Variants in PXDNL observed in about 807,000 individuals in gnomAD.
PXDNL encodes the protein probable oxidoreductase PXDNL.
A neutral mutation model predicts 150.8 loss-of-function variants in PXDNL; 145 were observed. The ratio of observed to expected loss-of-function variants is 0.96; its 90% CI spans 0.84 to 1.10. The LOEUF (loss-of-function observed/expected upper bound fraction) is 1.10, where lower values mean the gene tolerates loss of function less well. Ranked by LOEUF, PXDNL falls within the 50% of genes least tolerant of loss-of-function variation. PXDNL has a pLI of 0.00. For missense variants in PXDNL, 2,087 were observed against 1,873.9 expected (o/e 1.11, Z -2.10); for synonymous variants, 757 against 725.7 (o/e 1.04, Z -0.69).
At chr8:51,642,968 A>G (rs1336174000) in intron 2 of PXDNL, among the ~76,000 whole-genome samples, 3 of 152,222 alleles carry the variant, frequency 2.0e-5, no homozygotes, top group African/African-American at 7.2e-5. Context: ...TAAAATACCT[A>G]GGAATCCAAC....
At chr8:51,644,112 C>T (rs1814847093) in intron 2 of PXDNL, among the ~76,000 whole-genome samples, 1 of 151,334 alleles carries the variant, frequency 6.6e-6, no homozygotes, top group South Asian at 2.1e-4. Context: ...TGCCACTGAA[C>T]TCCAGCCTGG....
At chr8:51,607,394 C>T (rs1314646389) in intron 2 of PXDNL, among the ~76,000 whole-genome samples, 4 of 152,182 alleles carry the variant, frequency 2.6e-5, no homozygotes, top group Non-Finnish European at 4.4e-5. Context: ...AAAGGAGGCA[C>T]GAAGCCCAGT....
chr8:51,378,747 CACA>C (rs1807436755), intron 17 of PXDNL, among the ~76,000 whole-genome samples: 1 of 149,178 alleles, frequency 6.7e-6, no homozygotes, highest in African/African-American at 2.6e-5. Context: ...CGAACAACTC[CACA>C]CGTGCGGCCT....
Position 51,775,306 on chromosome 8 carries a change from T to C in PXDNL, c.164+33875A>G, listed in dbSNP as rs189735175. Among the ~76,000 whole-genome samples the C allele has an allele frequency of 1.1e-4, 16 of 152,348 alleles. No individual in the cohort carries two copies. In the East Asian group the frequency reaches 2.7e-3, roughly 26 times the overall value. ...TGTAGAGAATAAGCAGAAAATCAGT[T>C]GTCTTAATATTTATTAACTTTATCA... On this transcript the variant is annotated intron_variant, in intron 1 of 22. Transcript: ENST00000356297.
intron 20 of PXDNL, among the ~76,000 whole-genome samples, chr8:51,343,494 G>A (rs1806049549): frequency 6.6e-6 from 1 of 152,166 alleles, no homozygotes; most frequent in Non-Finnish European, 1.5e-5. Context: ...ATTGGCAGGA[G>A]GCTAAAAATA....
intron 19 of PXDNL, among the ~76,000 whole-genome samples, chr8:51,367,578 G>C (rs1299409414): frequency 1.3e-5 from 2 of 152,048 alleles, no homozygotes; most frequent in East Asian, 3.9e-4. Flanking sequence ...AATTCTATAA[G>C]AACCTAGCCT....
chr8:51,427,695 T>G (rs1200459933), intron 12 of PXDNL, among the ~76,000 whole-genome samples: 2 of 152,184 alleles, frequency 1.3e-5, no homozygotes, highest in Non-Finnish European at 2.9e-5. Context: ...CAACGCTCAT[T>G]ATGAGTTACA....
intron 2 of PXDNL, among the ~76,000 whole-genome samples, chr8:51,624,466 A>C (rs1035609989): frequency 9.9e-5 from 15 of 152,134 alleles, no homozygotes; most frequent in African/African-American, 3.6e-4. Context: ...TTCTTACTGC[A>C]GTCATTTTAT....
At chr8:51,533,939 G>GC (rs1174537195) in intron 4 of PXDNL, among the ~76,000 whole-genome samples, 4 of 151,096 alleles carry the variant, frequency 2.6e-5, no homozygotes, top group Non-Finnish European at 5.9e-5. Flanking sequence ...TCTCTGCCTG[G>GC]CCCCCCATCG....
chr8:51,387,853 A>C (rs1007656040), intron 17 of PXDNL, among the ~76,000 whole-genome samples: 6 of 151,660 alleles, frequency 4.0e-5, no homozygotes, highest in Non-Finnish European at 7.4e-5. Flanking sequence ...ATAATGCCCT[A>C]TATTGATACT....
At chr8:51,417,634 G>A (rs1808832968) in intron 14 of PXDNL, among the ~76,000 whole-genome samples, 1 of 152,110 alleles carries the variant, frequency 6.6e-6, no homozygotes, top group South Asian at 2.1e-4. Flanking sequence ...TCCCCCTGGG[G>A]AAGAAAATTA....
intron 21 of PXDNL, among the ~76,000 whole-genome samples, chr8:51,338,429 T>C (rs1805895683): frequency 6.6e-6 from 1 of 152,302 alleles, no homozygotes; most frequent in East Asian, 1.9e-4. Context: ...AGTCCTTCTG[T>C]TCTAGAATCT....
chr8:51,340,690 A>G (rs1652115817), intron 20 of PXDNL, among the ~76,000 whole-genome samples: 1 of 152,232 alleles, frequency 6.6e-6, no homozygotes, highest in South Asian at 2.1e-4. Context: ...AAGGGAAACA[A>G]AGAAAAATAA....
intron 4 of PXDNL, among the ~76,000 whole-genome samples, chr8:51,518,369 C>G (rs1811590138): frequency 6.6e-6 from 1 of 152,122 alleles, no homozygotes; most frequent in Non-Finnish European, 1.5e-5. Context: ...CTATGCACAT[C>G]AAACCTATGC....
chr8:51,725,780 G>A lies in PXDNL; in HGVS notation c.165-71020C>T, dbSNP rs116122223. On this transcript the variant is annotated intron_variant, in intron 1 of 22. Coordinates refer to ENST00000356297, the MANE Select transcript of PXDNL (RefSeq NM_144651.5). ...AGTAAGACACCTTAAGGTGTTTTGC[G>A]TTCTGCAAGGACAGATAGTAAATGG... Among the ~76,000 whole-genome samples, 821 of 152,324 alleles carry A rather than the reference G, an allele frequency of 5.4e-3. 9 individuals are homozygous for A. Among genetic ancestry groups the A allele is most frequent in the African/African-American group, 0.019 (781 of 41,576 alleles).
At chr8:51,582,051 T>C (rs2130628842) in intron 3 of PXDNL, among the ~76,000 whole-genome samples, 1 of 152,270 alleles carries the variant, frequency 6.6e-6, no homozygotes, top group East Asian at 1.9e-4. Context: ...ATATAAGAAG[T>C]ATACTTTTAA....
intron 5 of PXDNL, among the ~76,000 whole-genome samples, chr8:51,486,837 T>C (rs1810777449): frequency 8.1e-6 from 1 of 123,790 alleles, no homozygotes; most frequent in African/African-American, 3.0e-5. Flanking sequence ...GGAGTCTCAC[T>C]CTTGCCAGGC....
intron 12 of PXDNL, among the ~76,000 whole-genome samples, chr8:51,430,909 C>A (rs552868955): frequency 6.6e-6 from 1 of 152,266 alleles, no homozygotes; most frequent in South Asian, 2.1e-4. Flanking sequence ...TCCTATTTCA[C>A]ATCAACAGCA....
In PXDNL at chr8:51,453,748, C is replaced by T. The variant is rs1236126669; in HGVS notation, c.1020G>A (p.Glu340=). ...PSFVIQPQDT[E]VLIGTSTTLE... is the part of the protein sequence containing the mutation. ...AAGTTGTGCTGGTGCCAATTAAAAC[C>T]TCTGTGTCCTGAGGCTGGATTACAA... Residue 340 remains glutamate (E), a synonymous_variant, in exon 10 of 23, where the codon GAG becomes GAA. Transcript: ENST00000356297. The T allele has an allele frequency of 1.9e-6, 3 of 1,613,878 alleles. No individual in the cohort carries two copies. The highest frequency in any genetic ancestry group is 3.3e-5 in the Admixed American group (2 of 59,992).
Sources: gnomAD v4.1 joint callset for allele counts (sites outside exome capture counted in the v4.1 genomes callset) on GRCh38, gnomAD v4.1.1 for gene constraint, MANE v1.5 for transcripts, NCBI Gene and HGNC (gene_info 2026-07-23, HGNC 2026-07-21) for gene names.